Variants in TMEM117 observed in about 807,000 individuals in gnomAD.
The protein encoded by TMEM117 is transmembrane protein 117.
In TMEM117, 27 loss-of-function variants were observed where a neutral mutation model predicts 52.4. That is an observed-to-expected ratio of 0.51 (90% confidence interval 0.38 to 0.71). The LOEUF (loss-of-function observed/expected upper bound fraction) is 0.71. Ranked by LOEUF, TMEM117 falls within the 30% of genes least tolerant of loss-of-function variation. TMEM117 has a pLI of 0.00. For synonymous variants in TMEM117, 215 were observed against 206.3 expected (o/e 1.04, Z -0.36); for missense variants, 556 against 630.5 (o/e 0.88, Z 1.26).
intron 2 of TMEM117, among the ~76,000 whole-genome samples, chr12:43,873,616 A>G (rs191718630): frequency 3.8e-4 from 57 of 151,862 alleles, no homozygotes; most frequent in Middle Eastern, 3.4e-3. Flanking sequence ...AAAAAAGAAA[A>G]CTGTACTCAC....
chr12:44,301,786 G>A (rs569977630), intron 6 of TMEM117, among the ~76,000 whole-genome samples: 23 of 151,894 alleles, frequency 1.5e-4, no homozygotes, highest in African/African-American at 4.8e-4. Context: ...GGCTACTGCC[G>A]ACACCTCAGA....
intron 6 of TMEM117, among the ~76,000 whole-genome samples, chr12:44,341,762 C>T (rs372233192): frequency 1.6e-4 from 25 of 152,026 alleles, no homozygotes; most frequent in East Asian, 1.2e-3. Flanking sequence ...AAAGGAATAA[C>T]GGATAGAAAC....
intron 5 of TMEM117, among the ~76,000 whole-genome samples, chr12:44,262,667 C>T (rs983756813): frequency 3.3e-5 from 5 of 152,122 alleles, no homozygotes; most frequent in South Asian, 2.1e-4. Flanking sequence ...GATGGAATCT[C>T]GCTCTGCATC....
chr12:44,183,157 G>C (rs116725600), intron 4 of TMEM117, among the ~76,000 whole-genome samples: 1,746 of 152,008 alleles, frequency 0.011, 22 homozygotes, highest in South Asian at 0.052. Flanking sequence ...TAAAAATTTT[G>C]GTGTATTTCT....
intron 5 of TMEM117, chr12:44,244,383 C>A (rs1163448663): frequency 6.6e-6 from 1 of 151,908 alleles, no homozygotes; most frequent in African/African-American, 2.4e-5. Context: ...TGATTTTGAG[C>A]ATTTTTTTTG....
chr12:44,066,388 G>A (rs753158834), intron 3 of TMEM117, among the ~76,000 whole-genome samples: 1 of 152,184 alleles, frequency 6.6e-6, no homozygotes, highest in Non-Finnish European at 1.5e-5. Context: ...GACTTTGTGA[G>A]CCATAGTAAA....
chr12:44,205,770 G>T (rs73100834), intron 4 of TMEM117, among the ~76,000 whole-genome samples: 3 of 152,128 alleles, frequency 2.0e-5, no homozygotes, highest in African/African-American at 7.2e-5. Context: ...ACAGATGCCA[G>T]CTGGGCTGCA....
chr12:43,815,334 T>C, the TMEM117 span, among the ~76,000 whole-genome samples: 1 of 152,218 alleles, frequency 6.6e-6, no homozygotes, highest in South Asian at 2.1e-4. Flanking sequence ...GTTAAGAATT[T>C]TAAGCCTTGT....
intron 3 of TMEM117, among the ~76,000 whole-genome samples, chr12:44,054,731 A>T (rs1592477767): frequency 2.1e-5 from 3 of 142,270 alleles, no homozygotes; most frequent in African/African-American, 5.2e-5. Flanking sequence ...TTTCTTCCTC[A>T]TCTTCATTTT....
At chr12:43,903,861 G>A (rs1944343022) in intron 2 of TMEM117, among the ~76,000 whole-genome samples, 1 of 151,628 alleles carries the variant, frequency 6.6e-6, no homozygotes, top group Admixed American at 6.6e-5. Context: ...ACCAAGAATG[G>A]CTGAGCAAGT....
intron 2 of TMEM117, among the ~76,000 whole-genome samples, chr12:43,867,908 C>T (rs1220606526): frequency 3.3e-5 from 5 of 152,030 alleles, no homozygotes; most frequent in African/African-American, 1.2e-4. Flanking sequence ...AATTCTAGCA[C>T]AAACACCTTG....
intron 2 of TMEM117, among the ~76,000 whole-genome samples, chr12:43,906,408 A>G (rs1944388178): frequency 6.6e-6 from 1 of 151,416 alleles, no homozygotes; most frequent in Non-Finnish European, 1.5e-5. Flanking sequence ...GGTTGCAGTG[A>G]GCTGAGATTG....
chr12:43,977,677 G>A (rs1305909145), intron 3 of TMEM117, among the ~76,000 whole-genome samples: 7 of 152,076 alleles, frequency 4.6e-5, no homozygotes, highest in Admixed American at 4.6e-4. Context: ...TTTTAAGAGT[G>A]GAATGGACAC....
intron 3 of TMEM117, among the ~76,000 whole-genome samples, chr12:43,989,275 G>C (rs866158461): frequency 5.3e-5 from 8 of 152,200 alleles, no homozygotes; most frequent in Admixed American, 2.6e-4. Context: ...TTGGGCGTAT[G>C]TTTATATTAT....
chr12:44,373,841 G>A (rs1329019114), intron 6 of TMEM117, among the ~76,000 whole-genome samples: 2 of 138,488 alleles, frequency 1.4e-5, no homozygotes, highest in Non-Finnish European at 3.0e-5. Flanking sequence ...GAGTACAGTG[G>A]TGCGATCTCG....
At chr12:44,052,264 T>C (rs1224901135) in intron 3 of TMEM117, among the ~76,000 whole-genome samples, 4 of 152,180 alleles carry the variant, frequency 2.6e-5, no homozygotes, top group African/African-American at 9.7e-5. Context: ...AAAGAGGCCA[T>C]ATCTCATGAC....
intron 2 of TMEM117, among the ~76,000 whole-genome samples, chr12:43,897,967 C>T (rs1944235250): frequency 6.6e-6 from 1 of 151,896 alleles, no homozygotes; most frequent in Non-Finnish European, 1.5e-5. Context: ...TGTCTAATTC[C>T]CATGGCGTCG....
the TMEM117 span, among the ~76,000 whole-genome samples, chr12:43,824,262 A>G: frequency 6.6e-6 from 1 of 152,206 alleles, no homozygotes; most frequent in Non-Finnish European, 1.5e-5. Context: ...CCTGAAGAAG[A>G]GTGATTTCAC....
At chr12:43,796,135 C>T in the TMEM117 span, among the ~76,000 whole-genome samples, 1 of 152,134 alleles carries the variant, frequency 6.6e-6, no homozygotes, top group African/African-American at 2.4e-5. Flanking sequence ...GGCCCGAAGG[C>T]CAAATCTTGC....
Sources: gnomAD v4.1 joint callset for allele counts (sites outside exome capture counted in the v4.1 genomes callset) on GRCh38, gnomAD v4.1.1 for gene constraint, MANE v1.5 for transcripts, NCBI Gene and HGNC (gene_info 2026-07-23, HGNC 2026-07-21) for gene names.